Variants in MACROD2 observed in about 807,000 individuals in gnomAD.
The protein encoded by MACROD2 is mono-ADP ribosylhydrolase 2, also known as ADP-ribose glycohydrolase MACROD2.
In MACROD2, 36 loss-of-function variants were observed where a neutral mutation model predicts 70.4. The observed-to-expected ratio is 0.51, with a 90% CI of 0.39 to 0.68. MACROD2 has a LOEUF of 0.68. Ranked by LOEUF, MACROD2 falls within the 30% of genes least tolerant of loss-of-function variation. The pLI, the probability that MACROD2 is intolerant of heterozygous loss-of-function variation, is 0.00. For missense variants in MACROD2, 496 were observed against 538.4 expected, an observed-to-expected ratio of 0.92 and a Z score of 0.78; for synonymous variants, 172 against 178.8, an observed-to-expected ratio of 0.96 and a Z score of 0.30.
chr20:15,503,687 G>C (rs555265549), intron 8 of MACROD2, among the ~76,000 whole-genome samples: 1 of 151,986 alleles, frequency 6.6e-6, no homozygotes, highest in Non-Finnish European at 1.5e-5. Flanking sequence ...TTATCATGTT[G>C]CATGTTATCT....
intron 8 of MACROD2, among the ~76,000 whole-genome samples, chr20:15,540,243 G>A (rs902486397): frequency 6.6e-6 from 1 of 152,194 alleles, no homozygotes; most frequent in Non-Finnish European, 1.5e-5. Context: ...GGAGCAAACC[G>A]TGACTAGCCT....
intron 3 of MACROD2, among the ~76,000 whole-genome samples, chr20:14,453,353 C>A (rs1004089397): frequency 1.3e-5 from 2 of 152,104 alleles, no homozygotes; most frequent in Admixed American, 1.3e-4. Flanking sequence ...GCTGTCATTT[C>A]CTAATAACCC....
intron 5 of MACROD2, among the ~76,000 whole-genome samples, chr20:14,743,489 C>A (rs1472949410): frequency 6.6e-6 from 1 of 152,020 alleles, no homozygotes; most frequent in Non-Finnish European, 1.5e-5. Flanking sequence ...AGGAAGACGA[C>A]CACAAGTCAA....
intron 10 of MACROD2, among the ~76,000 whole-genome samples, chr20:15,907,281 C>T (rs2065161947): frequency 6.6e-6 from 1 of 152,150 alleles, no homozygotes; most frequent in African/African-American, 2.4e-5. Context: ...TGTGGGGAAC[C>T]AGCTCACAAG....
intron 3 of MACROD2, among the ~76,000 whole-genome samples, chr20:14,178,568 G>A (rs980458707): frequency 3.9e-5 from 6 of 152,084 alleles, no homozygotes; most frequent in African/African-American, 1.4e-4. Context: ...AATTAGTTAT[G>A]TACATGGATT....
At chr20:15,979,441 A>G (rs1468910735) in intron 13 of MACROD2, among the ~76,000 whole-genome samples, 1 of 152,154 alleles carries the variant, frequency 6.6e-6, no homozygotes, top group Non-Finnish European at 1.5e-5. Context: ...CACTTGTCCC[A>G]CAAGGGCTGC....
At chr20:14,962,092 G>A (rs900806158) in intron 5 of MACROD2, among the ~76,000 whole-genome samples, 5 of 151,992 alleles carry the variant, frequency 3.3e-5, no homozygotes, top group Admixed American at 6.6e-5. Context: ...ATCCTCCCAC[G>A]TTGGCCTCCC....
intron 5 of MACROD2, among the ~76,000 whole-genome samples, chr20:14,782,014 C>A (rs1055237984): frequency 6.6e-6 from 1 of 151,908 alleles, no homozygotes; most frequent in Non-Finnish European, 1.5e-5. Flanking sequence ...ACCTCCGCCT[C>A]CCGGGTTCAA....
chr20:14,068,729 C>G (rs1393586523), intron 2 of MACROD2, among the ~76,000 whole-genome samples: 2 of 151,980 alleles, frequency 1.3e-5, no homozygotes, highest in Non-Finnish European at 2.9e-5. Flanking sequence ...TGAGAATTCA[C>G]CCATGATGAG....
chr20:14,801,554 G>T (rs140789398), intron 5 of MACROD2, among the ~76,000 whole-genome samples: 1 of 152,000 alleles, frequency 6.6e-6, no homozygotes, highest in South Asian at 2.1e-4. Context: ...AGCTACAATG[G>T]CAATATATAT....
chr20:14,347,940 G>A (rs1171573175), intron 3 of MACROD2, among the ~76,000 whole-genome samples: 3 of 152,082 alleles, frequency 2.0e-5, no homozygotes, highest in Admixed American at 2.0e-4. Context: ...AGGCAACAGA[G>A]TCATCCAAGA....
At chr20:15,136,900 A>G (rs2076152489) in intron 5 of MACROD2, among the ~76,000 whole-genome samples, 2 of 141,360 alleles carry the variant, frequency 1.4e-5, no homozygotes, top group Admixed American at 1.4e-4. Context: ...TGGGCAAAGA[A>G]TATGAACAGA....
In MACROD2 at chr20:14,002,291, G is replaced by A. The variant is rs1461361739; in HGVS notation, c.50G>A (p.Arg17His). Residue 17 changes from arginine to histidine, a missense_variant, in exon 2 of 18, where the codon CGT (arginine) becomes CAT (histidine). Arg to His is a conservative substitution (Grantham distance 29). Transcript: ENST00000684519. ...GATTCTGCTTTTATTTTGCAAGAAC[G>A]TTTATTGAAGATGACCTTAGAAGAG... Reference protein sequence around the residue: ...KKKVWREEKERLLKMTLEERR... With the variant: ...KKKVWREEKEHLLKMTLEERR... 8 of 1,577,182 alleles carry A rather than the reference G, an allele frequency of 5.1e-6. No homozygotes were observed. The highest frequency in any genetic ancestry group is 1.7e-4 in the Middle Eastern group (1 of 5,948).
chr20:15,839,871 C>T (rs2064152804), intron 8 of MACROD2, among the ~76,000 whole-genome samples: 2 of 152,214 alleles, frequency 1.3e-5, no homozygotes, highest in South Asian at 4.2e-4. Context: ...ATGTGACCAC[C>T]TGTTATCTGT....
intron 1 of MACROD2, among the ~76,000 whole-genome samples, chr20:13,997,197 T>C (rs1443876617): frequency 6.6e-6 from 1 of 152,220 alleles, no homozygotes; most frequent in Non-Finnish European, 1.5e-5. Flanking sequence ...TTAATAATTA[T>C]GGGTTTATAG....
chr20:14,927,407 C>T (rs1395973769), intron 5 of MACROD2, among the ~76,000 whole-genome samples: 1 of 152,166 alleles, frequency 6.6e-6, no homozygotes, highest in African/African-American at 2.4e-5. Context: ...AACACTACTG[C>T]TGCTATTACC....
intron 3 of MACROD2, among the ~76,000 whole-genome samples, chr20:14,113,313 C>CA (rs1261520980): frequency 6.6e-6 from 1 of 151,922 alleles, no homozygotes; most frequent in Non-Finnish European, 1.5e-5. Flanking sequence ...CCTTGAGGTG[C>CA]AATATGATTT....
intron 10 of MACROD2, chr20:15,893,977 C>T: frequency 2.2e-6 from 1 of 455,972 alleles, no homozygotes; most frequent in Middle Eastern, 3.3e-4. Flanking sequence ...CTGCACTGGG[C>T]AGGAATAGCT....
At chr20:14,481,678 A>G (rs971291027) in intron 3 of MACROD2, among the ~76,000 whole-genome samples, 1 of 152,236 alleles carries the variant, frequency 6.6e-6, no homozygotes, top group Admixed American at 6.5e-5. Context: ...ATAGTCTAGC[A>G]TACTAAAAAG....
Sources: gnomAD v4.1 joint callset for allele counts (sites outside exome capture counted in the v4.1 genomes callset) on GRCh38, gnomAD v4.1.1 for gene constraint, MANE v1.5 for transcripts, NCBI Gene and HGNC (gene_info 2026-07-23, HGNC 2026-07-21) for gene names.